The following HS3ST3A1 variants were observed in gnomAD, a reference collection of about 807,000 sequenced individuals.
HS3ST3A1 encodes heparan sulfate glucosamine 3-O-sulfotransferase 3A1.
Under a neutral mutation model 25.7 loss-of-function variants are expected in HS3ST3A1, and 19 were observed. The observed-to-expected ratio is 0.74, with a 90% CI of 0.52 to 1.08. The LOEUF (loss-of-function observed/expected upper bound fraction) is 1.08, where lower values mean the gene tolerates loss of function less well. Among genes scored for constraint, HS3ST3A1 ranks in the 50% least tolerant of loss-of-function variants. The pLI, the probability that HS3ST3A1 is intolerant of heterozygous loss-of-function variation, is 0.00. For synonymous variants in HS3ST3A1, 226 were observed against 278.6 expected (o/e 0.81, Z 1.88); for missense variants, 459 against 594.3 (o/e 0.77, Z 2.37).
In HS3ST3A1 at chr17:13,495,561, G is replaced by A. The variant is rs1455626990; in HGVS notation, c.*636C>T. The A allele has an allele frequency of 6.6e-6, 1 of 152,156 alleles. No homozygotes were observed. The highest frequency in any genetic ancestry group is 2.4e-5 in the African/African-American group (1 of 41,424). The allele number at this position is 152,156 out of a possible 1,614,324, so 9.4% of individuals were successfully genotyped here. ...ATGAAATAGGGAACAAGTGGAAGAT[G>A]GAATTTTGTCCAGGGTCCATCCAAC... On this transcript the variant is annotated 3_prime_UTR_variant, in exon 2 of 2. Coordinates refer to ENST00000284110, the MANE Select transcript of HS3ST3A1 (RefSeq NM_006042.3).
intron 1 of HS3ST3A1, among the ~76,000 whole-genome samples, chr17:13,507,663 T>C (rs1905727822): frequency 6.6e-6 from 1 of 152,262 alleles, no homozygotes; most frequent in Non-Finnish European, 1.5e-5. Flanking sequence ...CCCTGAGTTG[T>C]AATGCAAAGG....
intron 1 of HS3ST3A1, among the ~76,000 whole-genome samples, chr17:13,587,047 C>T (rs1444787159): frequency 6.6e-6 from 1 of 151,736 alleles, no homozygotes; most frequent in Non-Finnish European, 1.5e-5. Flanking sequence ...TCTTTACTCT[C>T]ACCTTTTTAA....
chr17:13,517,031 A>G (rs957532236), intron 1 of HS3ST3A1, among the ~76,000 whole-genome samples: 3 of 152,210 alleles, frequency 2.0e-5, no homozygotes, highest in South Asian at 2.1e-4. Flanking sequence ...GTATCAGGAA[A>G]CAGTGAACTT....
At position 13,494,838 on chromosome 17, in the gene HS3ST3A1, G is replaced by A. The variant is rs1033434291; in HGVS notation, c.*1359C>T. On this transcript the variant is annotated 3_prime_UTR_variant, in exon 2 of 2. Transcript: ENST00000284110. ...GGATGGGCAGAAACAGACGAGAGAA[G>A]AGGAAAAGCCACCATTTTACCCACA... Among the ~76,000 whole-genome samples, 5 of 152,202 alleles carry A rather than the reference G, an allele frequency of 3.3e-5. No homozygotes were observed. The highest frequency in any genetic ancestry group is 1.2e-4 in the African/African-American group (5 of 41,526).
rs1218904636 is a variant in HS3ST3A1 at position 13,600,717 on chromosome 17, G to A, written c.413C>T (p.Pro138Leu). The A allele has an allele frequency of 1.3e-6, 2 of 1,554,060 alleles. No homozygotes were observed. Among genetic ancestry groups the A allele is most frequent in the South Asian group, 2.3e-5 (2 of 85,616 alleles). ...GAGSTVAEAP[P>L]GTLALLLDEG... The stretch of plus-strand genomic sequence containing the variant: ...GTCCAGGAGCAGCGCCAGGGTCCCC[G>A]GCGGGGCCTCGGCCACGGTGCTTCC... Residue 138 changes from proline to leucine, a missense_variant, in exon 1 of 2, where the codon CCG (proline) becomes CTG (leucine). This residue lies in a region of HS3ST3A1 where 346 missense variants were observed against 303.9 expected (regional missense o/e 1.14). Coordinates refer to ENST00000284110, the MANE Select transcript of HS3ST3A1 (RefSeq NM_006042.3).
rs79909023 is a variant in HS3ST3A1 at position 13,499,750 on chromosome 17, G to A, written c.600-2932C>T. 9.1e-3 allele frequency among the ~76,000 whole-genome samples: 1,392 copies of A among 152,226 alleles called. 15 individuals carry two copies. The highest frequency in any genetic ancestry group is 0.032 in the African/African-American group (1,327 of 41,520). On this transcript the variant is annotated intron_variant, in intron 1 of 1. Coordinates refer to ENST00000284110, the MANE Select transcript of HS3ST3A1 (RefSeq NM_006042.3). ...TAATCTCAATAGAGTAGGGAAAAGA[G>A]CTATCCAACATAAGAGGAGTTTGAA... is the stretch of plus-strand genomic sequence containing the variant.
chr17:13,561,682 G>A (rs1195917516), intron 1 of HS3ST3A1, among the ~76,000 whole-genome samples: 1 of 152,122 alleles, frequency 6.6e-6, no homozygotes, highest in Non-Finnish European at 1.5e-5. Flanking sequence ...GTGAGCCACT[G>A]GACCTAGCCA....
At chr17:13,501,090 G>A (rs1046213491) in intron 1 of HS3ST3A1, among the ~76,000 whole-genome samples, 3 of 152,198 alleles carry the variant, frequency 2.0e-5, no homozygotes, top group Non-Finnish European at 4.4e-5. Context: ...TAGAATGGTG[G>A]TTTCCAGGGG....
At position 13,538,243 on chromosome 17, in the gene HS3ST3A1, AG is replaced by A. The variant is rs377196348; in HGVS notation, c.600-41426del. Among the ~76,000 whole-genome samples the A allele has an allele frequency of 1.2e-3, 188 of 152,336 alleles. 1 individual carries two copies. The highest frequency in any genetic ancestry group is 4.4e-3 in the African/African-American group (182 of 41,590). On this transcript the variant is annotated intron_variant, in intron 1 of 1. Transcript: ENST00000284110. The stretch of plus-strand genomic sequence containing the variant: ...ACTGGGATAAACCCTTTGTGTTTAC[AG>A]ATGGTTATTCTACTTTTTTTGCAGA...
rs373131305 is a variant in HS3ST3A1, at chr17:13,530,250, A to G, written c.600-33432T>C. Among the ~76,000 whole-genome samples, 5 of 152,354 alleles carry G rather than the reference A, an allele frequency of 3.3e-5. No individual in the cohort carries two copies. In the East Asian group the frequency reaches 9.6e-4, roughly 29 times the overall value. On this transcript the variant is annotated intron_variant, in intron 1 of 1. Transcript: ENST00000284110. ...TTAAGAGGAAATTGCAAGGATCATT[A>G]TCACTAATCATTTGAGGTATAAATG...
At chr17:13,593,649 G>C (rs987248910) in intron 1 of HS3ST3A1, among the ~76,000 whole-genome samples, 1 of 152,218 alleles carries the variant, frequency 6.6e-6, no homozygotes. Flanking sequence ...CAGGATTTCA[G>C]TATGAGCCCT....
chr17:13,527,207 AT>A (rs959347410), intron 1 of HS3ST3A1, among the ~76,000 whole-genome samples: 3 of 151,376 alleles, frequency 2.0e-5, no homozygotes, highest in East Asian at 3.9e-4. Context: ...CTTTAAACTG[AT>A]TTTTTTTCTC....
At chr17:13,502,043 C>A (rs533423948) in intron 1 of HS3ST3A1, among the ~76,000 whole-genome samples, 1 of 152,226 alleles carries the variant, frequency 6.6e-6, no homozygotes, top group African/African-American at 2.4e-5. Context: ...AAGGAAACTG[C>A]TTGGCAATTT....
chr17:13,512,321 A>AAAAAAAACAAAC (rs1395357582), intron 1 of HS3ST3A1, among the ~76,000 whole-genome samples: 29 of 144,672 alleles, frequency 2.0e-4, no homozygotes, highest in Non-Finnish European at 3.3e-4. Flanking sequence ...AAAAAAAAAA[A>AAAAAAAACAAAC]AAAAAACTGC....
intron 1 of HS3ST3A1, among the ~76,000 whole-genome samples, chr17:13,521,059 C>G (rs1906219893): frequency 1.3e-5 from 2 of 152,214 alleles, no homozygotes; most frequent in Admixed American, 1.3e-4. Context: ...CCCAGTCCCA[C>G]TGACACCCTT....
intron 1 of HS3ST3A1, among the ~76,000 whole-genome samples, chr17:13,535,659 TA>T (rs10708633): frequency 0.44 from 67,287 of 151,500 alleles, 16,568 homozygotes; most frequent in African/African-American, 0.67. Flanking sequence ...AATGGATGTA[TA>T]AAAAAAAAGA....
intron 1 of HS3ST3A1, among the ~76,000 whole-genome samples, chr17:13,515,394 A>G (rs1156817431): frequency 6.6e-6 from 1 of 150,698 alleles, no homozygotes; most frequent in Non-Finnish European, 1.5e-5. Flanking sequence ...TCGTGACCTC[A>G]GGTGATCTGC....
chr17:13,516,952 C>T (rs1488712172), intron 1 of HS3ST3A1, among the ~76,000 whole-genome samples: 2 of 152,170 alleles, frequency 1.3e-5, no homozygotes, highest in East Asian at 3.9e-4. Context: ...TCCTAAAGTG[C>T]TGGGATTACA....
chr17:13,595,174 G>GTT (rs1412527548), intron 1 of HS3ST3A1, among the ~76,000 whole-genome samples: 2 of 152,320 alleles, frequency 1.3e-5, no homozygotes, highest in East Asian at 3.9e-4. Context: ...TAGGATAAAT[G>GTT]TAAGTTTTTA....
Sources: allele counts gnomAD v4.1 joint callset (sites outside exome capture counted in the v4.1 genomes callset), GRCh38; gene constraint gnomAD v4.1.1; regional missense constraint gnomAD v4.1.1; transcripts MANE v1.5; gene names NCBI Gene and HGNC (gene_info 2026-07-23, HGNC 2026-07-21).